CLUL1: variants seen among roughly 807,000 people sequenced by gnomAD.
CLUL1 encodes clusterin like 1, also known as clusterin-like protein 1.
CLUL1 carries 43 observed loss-of-function variants against 49.4 expected under a neutral mutation model. The observed-to-expected ratio is 0.87, with a 90% CI of 0.68 to 1.12. CLUL1 has a LOEUF of 1.12. Ranked by LOEUF, CLUL1 falls within the 50% of genes most tolerant of loss-of-function variation. The pLI is 0.00. For missense variants in CLUL1, 486 were observed against 544.4 expected, an observed-to-expected ratio of 0.89 and a Z score of 1.07; for synonymous variants, 192 against 184.9, an observed-to-expected ratio of 1.04 and a Z score of -0.31.
intron 1 of CLUL1, among the ~76,000 whole-genome samples, chr18:601,911 A>G (rs926703020): frequency 1.3e-5 from 2 of 152,138 alleles, no homozygotes; most frequent in African/African-American, 4.8e-5. Flanking sequence ...AACATAAATG[A>G]AAATTGGCCA....
At chr18:639,475 C>T (rs983927468) in intron 7 of CLUL1, among the ~76,000 whole-genome samples, 3 of 133,746 alleles carry the variant, frequency 2.2e-5, no homozygotes, top group African/African-American at 8.5e-5. Context: ...ATGAAACGGG[C>T]ACATGTCTGG....
chr18:633,247 C>CA, intron 6 of CLUL1, 51 bp from the exon 7 acceptor site: 7 of 1,505,642 alleles, frequency 4.6e-6, no homozygotes, highest in Non-Finnish European at 6.3e-6. Flanking sequence ...TCCACTTCTT[C>CA]AAAGTGCAAA....
At chr18:608,265 C>T (rs1400847818) in intron 2 of CLUL1, among the ~76,000 whole-genome samples, 1 of 152,134 alleles carries the variant, frequency 6.6e-6, no homozygotes, top group African/African-American at 2.4e-5. Context: ...CCACGGTCCC[C>T]GCTCTGGCTC....
chr18:645,222 A>G, intron 9 of CLUL1, 125 bp downstream of exon 9: 1 of 659,946 alleles, frequency 1.5e-6, no homozygotes, highest in African/African-American at 1.9e-5. Context: ...AGACATGAAA[A>G]CAAACAAGAT....
intron 2 of CLUL1, among the ~76,000 whole-genome samples, chr18:611,205 G>A (rs1157451970): frequency 6.7e-6 from 1 of 148,952 alleles, no homozygotes; most frequent in East Asian, 2.0e-4. Flanking sequence ...TTTCAGAAAG[G>A]AGCACCTACA....
intron 1 of CLUL1, among the ~76,000 whole-genome samples, chr18:599,388 T>A (rs7243590): frequency 0.034 from 5,207 of 152,232 alleles, 336 homozygotes; most frequent in African/African-American, 0.12. Context: ...GTTGAAAGGA[T>A]TAAATGAGGC....
intron 2 of CLUL1, among the ~76,000 whole-genome samples, chr18:607,338 AG>A (rs1423721178): frequency 6.6e-6 from 1 of 152,204 alleles, no homozygotes; most frequent in Non-Finnish European, 1.5e-5. Flanking sequence ...CATGTTGGCC[AG>A]GCAGGTCTCG....
rs1051529424 is a variant in CLUL1, at chr18:616,724, G to T, written c.-13-1264G>T. The T allele has an allele frequency of 5.1e-6, 5 of 984,056 alleles. No homozygotes were observed. The South Asian group carries it at 2.4e-4, about 46-fold the overall frequency. 61.0% of individuals were successfully genotyped at this position (984,056 alleles called of 1,614,324 possible). ...GAGAAAAACGAAGGTCCTTCCAGAA[G>T]CTGGTGGCAACTTCACTGGGGAGAT... On this transcript the variant is annotated intron_variant, in intron 2 of 9. Transcript: ENST00000692774.
intron 9 of CLUL1, among the ~76,000 whole-genome samples, chr18:646,609 A>G (rs2079928426): frequency 6.6e-6 from 1 of 151,726 alleles, no homozygotes; most frequent in Admixed American, 6.6e-5. Flanking sequence ...GGTCGTTCAC[A>G]TTCTGGTAGG....
At chr18:611,843 A>G (rs1392966849) in intron 2 of CLUL1, among the ~76,000 whole-genome samples, 1 of 152,100 alleles carries the variant, frequency 6.6e-6, no homozygotes, top group Non-Finnish European at 1.5e-5. Flanking sequence ...TGAGAGTTAG[A>G]CCCTGGTGGA....
Position 624,924 on chromosome 18 carries a change from C to T in CLUL1, c.315C>T (p.Cys105=). The change falls in exon 5 of 10, where the codon TGC becomes TGT. Residue 105 remains cysteine (C), a synonymous_variant. Coordinates refer to ENST00000692774, the MANE Select transcript of CLUL1 (RefSeq NM_001393344.1). The part of the protein sequence containing the change: ...QEHLEEEERL[C]RESLADSWGE... ...ATCTGGAGGAAGAAGAAAGGCTATG[C>T]CGGGAGTCTTTGGCAGATTCCTGGG... The T allele has an allele frequency of 6.2e-7, 1 of 1,614,102 alleles. No individual in the cohort carries two copies. Among genetic ancestry groups the T allele is most frequent in the Non-Finnish European group, 8.5e-7 (1 of 1,179,980 alleles).
chr18:630,380 A>G (rs2073958538), intron 6 of CLUL1, among the ~76,000 whole-genome samples: 1 of 149,678 alleles, frequency 6.7e-6, no homozygotes, highest in South Asian at 2.1e-4. Flanking sequence ...AAGTGCTGGG[A>G]TTACAGGCAT....
At chr18:611,540 A>C (rs984451707) in intron 2 of CLUL1, among the ~76,000 whole-genome samples, 1 of 152,052 alleles carries the variant, frequency 6.6e-6, no homozygotes, top group Non-Finnish European at 1.5e-5. Flanking sequence ...TAGCCACTGC[A>C]CTCTAGCCTG....
At chr18:632,083 A>G (rs1035769269) in intron 6 of CLUL1, among the ~76,000 whole-genome samples, 1 of 152,188 alleles carries the variant, frequency 6.6e-6, no homozygotes, top group African/African-American at 2.4e-5. Flanking sequence ...ATTTAATATG[A>G]CAGAAAATCA....
intron 5 of CLUL1, among the ~76,000 whole-genome samples, chr18:626,656 C>T (rs561840701): frequency 4.6e-5 from 7 of 150,712 alleles, no homozygotes; most frequent in East Asian, 2.0e-4. Flanking sequence ...CTCAGGAGTT[C>T]GAGACCAGCC....
chr18:622,820 G>T (rs549764339), intron 4 of CLUL1, among the ~76,000 whole-genome samples: 64 of 152,308 alleles, frequency 4.2e-4, no homozygotes, highest in East Asian at 9.6e-4. Context: ...CAAAGACCTT[G>T]AGAAGTAGAT....
At chr18:617,652 G>A (rs114902256) in intron 2 of CLUL1, among the ~76,000 whole-genome samples, 280 of 148,984 alleles carry the variant, frequency 1.9e-3, no homozygotes, top group Middle Eastern at 7.2e-3. Flanking sequence ...TAACAGATTC[G>A]AATTAATTCT....
At position 649,974 on chromosome 18, in the gene CLUL1, A is replaced by C. The variant is rs753233307; in HGVS notation, c.*73A>C. The C allele has an allele frequency of 1.9e-6, 2 of 1,046,122 alleles. No homozygotes were observed. The highest frequency in any genetic ancestry group is 2.9e-6 in the Non-Finnish European group (2 of 692,742). 64.8% of individuals were successfully genotyped at this position (1,046,122 alleles called of 1,614,324 possible). A position where few individuals can be genotyped will look rare whatever the true frequency, so the allele number is the denominator to read the frequency against. On this transcript the variant is annotated 3_prime_UTR_variant, in exon 10 of 10. Coordinates refer to ENST00000692774, the MANE Select transcript of CLUL1 (RefSeq NM_001393344.1). ...CTGGGACCTGGAAATCCTGAAATAAAAAAGGATAATGCAATAAACACAGTT... is the reference window on the plus strand; with the variant it reads ...CTGGGACCTGGAAATCCTGAAATAACAAAGGATAATGCAATAAACACAGTT...
At position 606,748 on chromosome 18, in the gene CLUL1, G is replaced by T. The variant is rs541194324; in HGVS notation, c.-135-230G>T. Among the ~76,000 whole-genome samples the T allele has an allele frequency of 2.6e-5, 4 of 152,172 alleles. No individual in the cohort carries two copies. Among genetic ancestry groups the T allele is most frequent in the Admixed American group, 2.6e-4 (4 of 15,298 alleles). On this transcript the variant is annotated intron_variant, in intron 1 of 9. Transcript: ENST00000692774. The surrounding 1 kb of genome is among the most constrained non-coding windows in gnomAD (Gnocchi z 4.1). Reference sequence around the variant, plus strand: ...GAAAAAGAGGATTATATAATAAAACGTAAAACAACAAACATATACACACAA... The same window carrying T: ...GAAAAAGAGGATTATATAATAAAACTTAAAACAACAAACATATACACACAA...
Sources: allele counts gnomAD v4.1 joint callset (sites outside exome capture counted in the v4.1 genomes callset), GRCh38; gene constraint gnomAD v4.1.1; non-coding constraint Gnocchi (gnomAD v3.1); transcripts MANE v1.5; gene names NCBI Gene and HGNC (gene_info 2026-07-23, HGNC 2026-07-21).